SLC22A2: variants seen among roughly 807,000 people sequenced by gnomAD.
SLC22A2 encodes solute carrier family 22 member 2.
SLC22A2 carries 46 observed loss-of-function variants against 60.5 expected under a neutral mutation model. That is an observed-to-expected ratio of 0.76 (90% CI 0.60 to 0.97). The LOEUF is 0.97. SLC22A2 is among the 50% of genes least tolerant of loss of function. The probability of loss-of-function intolerance (pLI) is 0.00; values close to 1 mark genes in which losing one functional copy is unlikely to be tolerated. For synonymous variants in SLC22A2, 303 were observed against 267.0 expected, an observed-to-expected ratio of 1.13 and a Z score of -1.31; for missense variants, 701 against 706.6, an observed-to-expected ratio of 0.99 and a Z score of 0.09.
At chr6:160,237,264 T>C (rs1382175732) in intron 9 of SLC22A2, among the ~76,000 whole-genome samples, 2 of 152,160 alleles carry the variant, frequency 1.3e-5, no homozygotes, top group Admixed American at 1.3e-4. Context: ...CATATCAGCA[T>C]GGTTTCAACA....
intron 2 of SLC22A2, among the ~76,000 whole-genome samples, chr6:160,253,892 A>G (rs989607592): frequency 3.3e-5 from 5 of 152,160 alleles, no homozygotes; most frequent in African/African-American, 1.2e-4. Context: ...CAGTGGGTAT[A>G]TTTACACCAG....
intron 9 of SLC22A2, among the ~76,000 whole-genome samples, chr6:160,226,676 T>C (rs1782730313): frequency 6.6e-6 from 1 of 152,242 alleles, no homozygotes; most frequent in Admixed American, 6.5e-5. Context: ...TCTCGAATCA[T>C]TCTTTGCTTA....
chr6:160,251,403 T>C (rs1353573503), intron 2 of SLC22A2, among the ~76,000 whole-genome samples: 2 of 152,228 alleles, frequency 1.3e-5, no homozygotes, highest in Non-Finnish European at 2.9e-5. Context: ...GGGCAACCTA[T>C]TCAACCATAT....
chr6:160,228,017 A>T (rs1453046421), intron 9 of SLC22A2, among the ~76,000 whole-genome samples: 7 of 152,252 alleles, frequency 4.6e-5, no homozygotes, highest in Non-Finnish European at 5.9e-5. Flanking sequence ...TTAGCATATA[A>T]TCAAGAAATA....
chr6:160,226,910 C>T (rs1243766360), intron 9 of SLC22A2, among the ~76,000 whole-genome samples: 9 of 152,106 alleles, frequency 5.9e-5, no homozygotes, highest in Non-Finnish European at 1.5e-5. Context: ...TCAAGCACAA[C>T]TCACCAGTGT....
intron 5 of SLC22A2, among the ~76,000 whole-genome samples, chr6:160,246,967 CT>C (rs1783104685): frequency 6.6e-6 from 1 of 152,200 alleles, no homozygotes; most frequent in Non-Finnish European, 1.5e-5. Context: ...TTCTGGTTCT[CT>C]TTTAGTTTGA....
intron 4 of SLC22A2, 44 bp from the exon 5 acceptor site, chr6:160,247,342 C>T (rs1236489408): frequency 1.0e-6 from 1 of 981,886 alleles, no homozygotes; most frequent in Admixed American, 1.8e-5. Flanking sequence ...CTGAATCCTC[C>T]TTACCCCATC....
chr6:160,219,101 A>G (rs62637553), intron 10 of SLC22A2, among the ~76,000 whole-genome samples: 2 of 2,804 alleles, frequency 7.1e-4, no homozygotes, highest in Non-Finnish European at 8.2e-4. Flanking sequence ...AATAACAGCA[A>G]CAGAAGCAAT....
chr6:160,247,994 C>T (rs902531545), intron 4 of SLC22A2, among the ~76,000 whole-genome samples: 1 of 152,096 alleles, frequency 6.6e-6, no homozygotes, highest in Admixed American at 6.5e-5. Flanking sequence ...CGAAGTTGCT[C>T]TGAGAGGCAG....
In SLC22A2 at chr6:160,242,379, T is replaced by C. The variant is rs1438698819; in HGVS notation, c.1303A>G (p.Ile435Val). ...PGDLQWLKII[I>V]SCLGRMGITM... ...ATCCCCATTCTTCCCAAGCATGAGA[T>C]AATAATTTTTAGCCATTGTAGATCT... The change falls in exon 8 of 11, where the codon ATC (isoleucine) becomes GTC (valine). Residue 435 changes from isoleucine (I) to valine (V), a missense_variant. By Grantham distance (29) the Ile-to-Val change is conservative. Coordinates refer to ENST00000366953, the MANE Select transcript of SLC22A2 (RefSeq NM_003058.4). 1.2e-6 allele frequency: 2 copies of C among 1,600,768 alleles called. No homozygotes were observed. Among genetic ancestry groups the C allele is most frequent in the Non-Finnish European group, 1.7e-6 (2 of 1,167,946 alleles).
At chr6:160,243,467 A>G (rs1398464250) in intron 7 of SLC22A2, 105 bp downstream of exon 7, 1 of 920,888 alleles carries the variant, frequency 1.1e-6, no homozygotes, top group Non-Finnish European at 1.7e-6. Context: ...TTGTCTTTCC[A>G]AATTGATTTG....
At chr6:160,227,526 T>C (rs1782743481) in intron 9 of SLC22A2, among the ~76,000 whole-genome samples, 1 of 152,228 alleles carries the variant, frequency 6.6e-6, no homozygotes, top group African/African-American at 2.4e-5. Context: ...TCCAACTACC[T>C]TGGACACATG....
intron 7 of SLC22A2, among the ~76,000 whole-genome samples, chr6:160,242,619 TA>T (rs927265657): frequency 2.6e-5 from 4 of 151,550 alleles, no homozygotes; most frequent in African/African-American, 9.7e-5. Flanking sequence ...TTAAAAAAGA[TA>T]TTTTTTTTAG....
At chr6:160,248,608 T>C (rs573361583) in intron 4 of SLC22A2, among the ~76,000 whole-genome samples, 2 of 152,352 alleles carry the variant, frequency 1.3e-5, no homozygotes, top group South Asian at 4.1e-4. Flanking sequence ...CTTTGCTTTA[T>C]TTCAGATAAT....
At chr6:160,228,831 C>T (rs1005597552) in intron 9 of SLC22A2, among the ~76,000 whole-genome samples, 1 of 151,880 alleles carries the variant, frequency 6.6e-6, no homozygotes, top group Non-Finnish European at 1.5e-5. Flanking sequence ...AAAAGCTCCC[C>T]CACTGAGCAC....
intron 6 of SLC22A2, chr6:160,244,733 G>A (rs1471315857): frequency 2.0e-5 from 3 of 152,234 alleles, no homozygotes; most frequent in Non-Finnish European, 4.4e-5. Context: ...GGTTGCTAAA[G>A]TAATTCCTCA....
At chr6:160,231,236 C>T (rs1350300134) in intron 9 of SLC22A2, among the ~76,000 whole-genome samples, 1 of 151,964 alleles carries the variant, frequency 6.6e-6, no homozygotes, top group East Asian at 1.9e-4. Context: ...GTTATCCCCA[C>T]CTGCCCAGTT....
At chr6:160,253,658 C>G (rs1038270813) in intron 2 of SLC22A2, among the ~76,000 whole-genome samples, 3 of 152,168 alleles carry the variant, frequency 2.0e-5, no homozygotes, top group Non-Finnish European at 4.4e-5. Flanking sequence ...GTTAGCATAA[C>G]CATTATTAAA....
At chr6:160,252,332 G>T (rs766423528) in intron 2 of SLC22A2, among the ~76,000 whole-genome samples, 13 of 152,190 alleles carry the variant, frequency 8.5e-5, no homozygotes, top group Non-Finnish European at 1.5e-4. Context: ...AGTGCCCCAT[G>T]TAGATGGACA....
Sources: allele counts gnomAD v4.1 joint callset (sites outside exome capture counted in the v4.1 genomes callset), GRCh38; gene constraint gnomAD v4.1.1; transcripts MANE v1.5; gene names NCBI Gene and HGNC (gene_info 2026-07-23, HGNC 2026-07-21).